Variants in NBAS observed in about 807,000 individuals in gnomAD.
The protein encoded by NBAS is NAG/BC035112 fusion.
NBAS carries 219 observed loss-of-function variants against 302.5 expected under a neutral mutation model. The ratio of observed to expected loss-of-function variants is 0.72; its 90% CI spans 0.65 to 0.81. NBAS has a LOEUF of 0.81. NBAS is among the 30% of genes least tolerant of loss of function. The pLI is 0.00. For synonymous variants in NBAS, 1,118 were observed against 1,021.6 expected (o/e 1.09, Z -1.80); for missense variants, 2,932 against 2,841.6 (o/e 1.03, Z -0.72).
chr2:15,530,090 AG>A (rs1175881993), intron 9 of NBAS, among the ~76,000 whole-genome samples: 2 of 152,184 alleles, frequency 1.3e-5, no homozygotes, highest in Non-Finnish European at 2.9e-5. Context: ...TCAGTTAGCT[AG>A]ATTTTTGAAA....
intron 11 of NBAS, among the ~76,000 whole-genome samples, chr2:15,502,504 C>T (rs762943523): frequency 1.2e-4 from 18 of 152,346 alleles, no homozygotes; most frequent in Non-Finnish European, 2.1e-4. Flanking sequence ...TAGCCTATTG[C>T]TCCTAGGGCC....
chr2:14,897,057 G>A, the NBAS span, among the ~76,000 whole-genome samples: 9 of 145,160 alleles, frequency 6.2e-5, no homozygotes, highest in Non-Finnish European at 1.1e-4. Flanking sequence ...AGCCTGAGCC[G>A]TTCCTCTTTT....
the NBAS span, among the ~76,000 whole-genome samples, chr2:14,828,443 G>A: frequency 1.3e-5 from 2 of 152,244 alleles, no homozygotes; most frequent in African/African-American, 4.8e-5. Context: ...TGACATGGGT[G>A]GAAAAAGGAG....
chr2:15,115,114 T>A, the NBAS span, among the ~76,000 whole-genome samples: 1 of 152,212 alleles, frequency 6.6e-6, no homozygotes, highest in South Asian at 2.1e-4. Flanking sequence ...GAACTCTCTA[T>A]AGTCCTAGTG....
At chr2:15,454,726 T>C (rs1428686052) in intron 21 of NBAS, among the ~76,000 whole-genome samples, 1 of 152,136 alleles carries the variant, frequency 6.6e-6, no homozygotes, top group Non-Finnish European at 1.5e-5. Context: ...GCTGGTGTTA[T>C]AACTCTCCAT....
the NBAS span, among the ~76,000 whole-genome samples, chr2:15,009,400 A>T: frequency 4.8e-5 from 7 of 146,220 alleles, no homozygotes; most frequent in East Asian, 1.4e-3. Flanking sequence ...AAAGGCTGAT[A>T]AAAAAAAAAG....
the NBAS span, among the ~76,000 whole-genome samples, chr2:14,990,096 C>T: frequency 3.0e-3 from 452 of 151,344 alleles, no homozygotes; most frequent in African/African-American, 0.01. Context: ...TTAAATGACC[C>T]CATTTCTCAT....
intron 42 of NBAS, among the ~76,000 whole-genome samples, chr2:15,280,025 C>A (rs533808977): frequency 6.6e-6 from 1 of 152,050 alleles, no homozygotes; most frequent in Admixed American, 6.6e-5. Context: ...TTTCCTGAAC[C>A]AAGTTTTAGT....
intron 50 of NBAS, among the ~76,000 whole-genome samples, chr2:15,183,194 CTCTG>C (rs1664910625): frequency 6.6e-6 from 1 of 152,084 alleles, no homozygotes; most frequent in Non-Finnish European, 1.5e-5. Flanking sequence ...ATGTTCCTTC[CTCTG>C]TAACACTTTC....
At chr2:15,323,696 A>G (rs1333915448) in intron 38 of NBAS, among the ~76,000 whole-genome samples, 2 of 152,102 alleles carry the variant, frequency 1.3e-5, no homozygotes, top group East Asian at 3.9e-4. Context: ...TTAGCTGGGC[A>G]TGGTGGTGCG....
the NBAS span, among the ~76,000 whole-genome samples, chr2:15,095,523 C>T: frequency 6.6e-6 from 1 of 152,304 alleles, no homozygotes; most frequent in Non-Finnish European, 1.5e-5. Flanking sequence ...TCCCACCACA[C>T]GTGGGAATTA....
At chr2:15,202,069 A>G (rs892700883) in intron 48 of NBAS, among the ~76,000 whole-genome samples, 15 of 152,252 alleles carry the variant, frequency 9.9e-5, no homozygotes, top group Non-Finnish European at 1.5e-5. Flanking sequence ...TTAAGAATAA[A>G]TGGTTTTCAA....
chr2:15,283,371 G>A lies in NBAS; in HGVS notation c.5138+3702C>T, dbSNP rs1244659296. On this transcript the variant is annotated intron_variant, in intron 42 of 51. Transcript: ENST00000281513. ...ATAGTTCCCATAATCCCCACGTGTTGTGGGAGGAACCCGGTGGGAGGTAAC... is the reference window on the plus strand; with the variant it reads ...ATAGTTCCCATAATCCCCACGTGTTATGGGAGGAACCCGGTGGGAGGTAAC... Among the ~76,000 whole-genome samples, 6 of 152,116 alleles carry A rather than the reference G, an allele frequency of 3.9e-5. No individual in the cohort carries two copies. In the East Asian group the frequency reaches 1.2e-3, roughly 29 times the overall value.
At chr2:14,868,306 A>G in the NBAS span, among the ~76,000 whole-genome samples, 2 of 152,182 alleles carry the variant, frequency 1.3e-5, no homozygotes, top group African/African-American at 4.8e-5. Flanking sequence ...GGGCACCTTG[A>G]TCAGGTATTT....
chr2:15,232,798 T>C (rs1558459404), intron 46 of NBAS, among the ~76,000 whole-genome samples: 2 of 152,190 alleles, frequency 1.3e-5, no homozygotes, highest in Non-Finnish European at 2.9e-5. Context: ...CGTTGAACAT[T>C]AACTGTATTG....
chr2:15,211,962 T>C (rs1411714228), intron 48 of NBAS, among the ~76,000 whole-genome samples: 1 of 152,216 alleles, frequency 6.6e-6, no homozygotes, highest in African/African-American at 2.4e-5. Context: ...ATGACTTCCC[T>C]GAAATTAGTG....
At chr2:14,954,812 AC>A in the NBAS span, among the ~76,000 whole-genome samples, 1 of 152,166 alleles carries the variant, frequency 6.6e-6, no homozygotes, top group East Asian at 1.9e-4. Flanking sequence ...AGTTATCTCC[AC>A]CTGGTCCTAC....
chr2:15,226,057 C>T (rs760052964), intron 47 of NBAS, among the ~76,000 whole-genome samples: 2 of 152,166 alleles, frequency 1.3e-5, no homozygotes, highest in Non-Finnish European at 2.9e-5. Context: ...CAGGCAATTC[C>T]TATGCAGAAT....
chr2:14,909,312 TC>T, the NBAS span, among the ~76,000 whole-genome samples: 6 of 90,706 alleles, frequency 6.6e-5, no homozygotes, highest in Non-Finnish European at 1.2e-4. Context: ...AGAGCGAGAC[TC>T]CGTCTCAAAA....
Sources: allele counts gnomAD v4.1 joint callset (sites outside exome capture counted in the v4.1 genomes callset), GRCh38; gene constraint gnomAD v4.1.1; transcripts MANE v1.5; gene names NCBI Gene and HGNC (gene_info 2026-07-23, HGNC 2026-07-21).